The following BMP6 variants were observed in gnomAD, a reference collection of about 807,000 sequenced individuals.
The protein encoded by BMP6 is VG-1-R.
Under a neutral mutation model 54.1 loss-of-function variants are expected in BMP6, and 17 were observed. The ratio of observed to expected loss-of-function variants is 0.31; its 90% confidence interval spans 0.22 to 0.47. BMP6 has a LOEUF of 0.47. BMP6 is among the 20% of genes least tolerant of loss of function. The pLI is 1.00. For missense variants in BMP6, 720 were observed against 690.4 expected (o/e 1.04, Z -0.48); for synonymous variants, 328 against 291.2 (o/e 1.13, Z -1.28).
At position 7,845,160 on chromosome 6, in the gene BMP6, T is replaced by C; in HGVS notation, c.685T>C (p.Ser229Pro). ...VNLVEYDKEF[S>P]PRQRHHKEFK... ...TATAGTGGAGTACGACAAGGAGTTC[T>C]CCCCTCGTCAGCGACACCACAAAGA... Residue 229 changes from serine to proline, a missense_variant, in exon 2 of 7, where the codon TCC (serine) becomes CCC (proline). Physicochemically the swap from Ser to Pro is moderately conservative, Grantham distance 74. Around this residue, in one of 3 missense-constraint regions of BMP6, gnomAD observed 650 missense variants for 556.3 expected, o/e 1.17. Coordinates refer to ENST00000283147, the MANE Select transcript of BMP6 (RefSeq NM_001718.6). 6.2e-7 allele frequency: 1 copy of C among 1,613,652 alleles called. No individual in the cohort carries two copies. The highest frequency in any genetic ancestry group is 8.5e-7 in the Non-Finnish European group (1 of 1,179,702).
chr6:7,874,371 A>G (rs985698297), intron 4 of BMP6, among the ~76,000 whole-genome samples: 4 of 152,178 alleles, frequency 2.6e-5, no homozygotes, highest in Non-Finnish European at 5.9e-5. Flanking sequence ...CAGGGCCTTC[A>G]CATTGTCATT....
At position 7,880,112 on chromosome 6, in the gene BMP6, G is replaced by A. The variant is rs370468169; in HGVS notation, c.1392+11G>A. On this transcript the variant is annotated intron_variant, in intron 6 of 6. Transcript: ENST00000283147. ...ATTGTGCAGACCTTGGTGAGCTCTC[G>A]GAGACTTTGTTTTGTAAGTGGGAGT... 1.4e-5 allele frequency: 22 copies of A among 1,613,962 alleles called. No individual in the cohort carries two copies. The African/African-American group carries it at 2.1e-4, about 16-fold the overall frequency.
At chr6:7,840,928 G>A (rs1214277244) in intron 1 of BMP6, among the ~76,000 whole-genome samples, 1 of 152,130 alleles carries the variant, frequency 6.6e-6, no homozygotes, top group Non-Finnish European at 1.5e-5. Context: ...AATTGAAAAA[G>A]CTAATTTAGA....
rs1757525231 is a variant in BMP6, at chr6:7,757,037, A to G, written c.664+29418A>G. 2.0e-5 allele frequency among the ~76,000 whole-genome samples: 3 copies of G among 152,294 alleles called. No individual in the cohort carries two copies. The South Asian group carries it at 6.2e-4, about 32-fold the overall frequency. ...CTCTCTATGTAGCACTCTCTTTTCC[A>G]GTATTTAGCCCTGAAAATTTAGATG... On this transcript the variant is annotated intron_variant, in intron 1 of 6. Transcript: ENST00000283147.
intron 4 of BMP6, among the ~76,000 whole-genome samples, chr6:7,865,119 G>A (rs1397603612): frequency 1.3e-5 from 2 of 152,318 alleles, no homozygotes; most frequent in East Asian, 3.9e-4. Context: ...GAGAAAAGAT[G>A]TTGTGTCTGA....
intron 1 of BMP6, among the ~76,000 whole-genome samples, chr6:7,772,670 A>G (rs923389009): frequency 2.0e-5 from 3 of 152,180 alleles, no homozygotes; most frequent in Non-Finnish European, 2.9e-5. Flanking sequence ...CCAGGATGCA[A>G]GAATCAATGA....
intron 1 of BMP6, among the ~76,000 whole-genome samples, chr6:7,744,059 A>G (rs1209337131): frequency 5.3e-5 from 8 of 152,240 alleles, no homozygotes; most frequent in African/African-American, 1.4e-4. Context: ...TACAGCAAAT[A>G]TCTGTATACC....
At chr6:7,781,986 A>G (rs1561770100) in intron 1 of BMP6, among the ~76,000 whole-genome samples, 1 of 151,398 alleles carries the variant, frequency 6.6e-6, no homozygotes, top group East Asian at 1.9e-4. Context: ...TCACACTTGG[A>G]AGGGATGGAG....
chr6:7,864,592 C>T (rs1476748225), intron 4 of BMP6, among the ~76,000 whole-genome samples: 1 of 152,190 alleles, frequency 6.6e-6, no homozygotes, highest in Non-Finnish European at 1.5e-5. Context: ...TCCCAAAGTA[C>T]CTATTTCTTC....
intron 4 of BMP6, among the ~76,000 whole-genome samples, chr6:7,864,193 G>A (rs1759382073): frequency 1.3e-5 from 2 of 152,096 alleles, no homozygotes; most frequent in Non-Finnish European, 2.9e-5. Context: ...AAATTCTGGG[G>A]TCCTTTGGCT....
At chr6:7,831,227 CA>C (rs1221433578) in intron 1 of BMP6, among the ~76,000 whole-genome samples, 2 of 152,144 alleles carry the variant, frequency 1.3e-5, no homozygotes, top group Non-Finnish European at 2.9e-5. Flanking sequence ...TGATTGTTTT[CA>C]TGTGAAATAT....
chr6:7,830,955 A>G (rs944261962), intron 1 of BMP6, among the ~76,000 whole-genome samples: 1 of 152,230 alleles, frequency 6.6e-6, no homozygotes, highest in Non-Finnish European at 1.5e-5. Context: ...TGGAAGAGGT[A>G]TATGCCCCAA....
chr6:7,871,591 G>A (rs899346842), intron 4 of BMP6, among the ~76,000 whole-genome samples: 1 of 152,228 alleles, frequency 6.6e-6, no homozygotes, highest in East Asian at 1.9e-4. Flanking sequence ...GTCTTGAGGG[G>A]GAAAATTGCC....
chr6:7,825,719 T>C (rs1758685781), intron 1 of BMP6, among the ~76,000 whole-genome samples: 1 of 143,786 alleles, frequency 7.0e-6, no homozygotes, highest in Non-Finnish European at 1.5e-5. Flanking sequence ...AAAGTCCATC[T>C]CGAAAAAAAA....
intron 4 of BMP6, among the ~76,000 whole-genome samples, chr6:7,877,493 C>T (rs182903778): frequency 2.0e-3 from 298 of 152,110 alleles, no homozygotes; most frequent in African/African-American, 6.7e-3. Flanking sequence ...CATGGTGGCT[C>T]GCGCCTGTAG....
intron 1 of BMP6, among the ~76,000 whole-genome samples, chr6:7,739,224 G>A (rs1762006538): frequency 6.6e-6 from 1 of 152,170 alleles, no homozygotes; most frequent in South Asian, 2.1e-4. Flanking sequence ...TAGAAGATTT[G>A]ATCCTGCCGG....
At chr6:7,798,720 G>C (rs1581252232) in intron 1 of BMP6, among the ~76,000 whole-genome samples, 1 of 152,122 alleles carries the variant, frequency 6.6e-6, no homozygotes, top group South Asian at 2.1e-4. Context: ...ACCTCCACCT[G>C]TTGAGAAAAA....
chr6:7,754,000 C>G (rs1757469942), intron 1 of BMP6, among the ~76,000 whole-genome samples: 1 of 152,086 alleles, frequency 6.6e-6, no homozygotes, highest in Non-Finnish European at 1.5e-5. Context: ...TATGGTTGAT[C>G]TTGGTGGATG....
intron 1 of BMP6, among the ~76,000 whole-genome samples, chr6:7,808,914 T>TAAAAAAAAAA (rs70982107): frequency 2.2e-5 from 2 of 89,000 alleles, no homozygotes; most frequent in African/African-American, 9.3e-5. Context: ...ACCCTGTCTC[T>TAAAAAAAAAA]AAAAAAAAAA....
Sources: gnomAD v4.1 joint callset for allele counts (sites outside exome capture counted in the v4.1 genomes callset) on GRCh38, gnomAD v4.1.1 for gene constraint, gnomAD v4.1.1 regional missense constraint, MANE v1.5 for transcripts, NCBI Gene and HGNC (gene_info 2026-07-23, HGNC 2026-07-21) for gene names.